The following GRM5 variants were observed in gnomAD, a reference collection of about 807,000 sequenced individuals.
The protein encoded by GRM5 is metabotropic glutamate receptor 5.
In GRM5, 19 loss-of-function variants were observed where a neutral mutation model predicts 83.1. The ratio of observed to expected loss-of-function variants is 0.23; its 90% CI spans 0.16 to 0.34. The LOEUF is 0.34. Among genes scored for constraint, GRM5 ranks in the 10% least tolerant of loss-of-function variants. The pLI is 1.00. For synonymous variants in GRM5, 675 were observed against 633.6 expected, an observed-to-expected ratio of 1.07 and a Z score of -0.98; for missense variants, 1,160 against 1,588.3, an observed-to-expected ratio of 0.73 and a Z score of 4.58.
chr11:88,674,661 C>G (rs1940277991), intron 3 of GRM5, among the ~76,000 whole-genome samples: 2 of 151,842 alleles, frequency 1.3e-5, no homozygotes, highest in South Asian at 4.2e-4. Context: ...GGAATCTGCT[C>G]CTTCCAGAGA....
At chr11:88,566,460 A>G (rs1942876557) in intron 8 of GRM5, among the ~76,000 whole-genome samples, 1 of 152,210 alleles carries the variant, frequency 6.6e-6, no homozygotes, top group African/African-American at 2.4e-5. Context: ...TTTTATGTGC[A>G]AAGTCACTTT....
chr11:88,643,092 G>GAA (rs35371603), intron 4 of GRM5, among the ~76,000 whole-genome samples: 1 of 151,782 alleles, frequency 6.6e-6, no homozygotes, highest in South Asian at 2.1e-4. Flanking sequence ...TACTTTATAA[G>GAA]AAAAAAATGT....
At chr11:88,927,094 T>A (rs1206851326) in intron 2 of GRM5, among the ~76,000 whole-genome samples, 1 of 152,162 alleles carries the variant, frequency 6.6e-6, no homozygotes, top group African/African-American at 2.4e-5. Context: ...CCTCATGACA[T>A]CTTAAATAAA....
chr11:89,001,838 A>T (rs1330870205), intron 2 of GRM5, among the ~76,000 whole-genome samples: 2 of 152,168 alleles, frequency 1.3e-5, no homozygotes, highest in Non-Finnish European at 2.9e-5. Flanking sequence ...GAAGACTGTC[A>T]TATCACATTA....
At chr11:88,613,068 G>T (rs1938371409) in intron 4 of GRM5, among the ~76,000 whole-genome samples, 1 of 152,070 alleles carries the variant, frequency 6.6e-6, no homozygotes, top group East Asian at 1.9e-4. Context: ...GGTGTGTTGG[G>T]TATGATGTCA....
intron 3 of GRM5, among the ~76,000 whole-genome samples, chr11:88,812,852 A>C (rs1040388153): frequency 6.6e-6 from 1 of 152,134 alleles, no homozygotes; most frequent in African/African-American, 2.4e-5. Context: ...AATAGAAACA[A>C]ATATTTTAAA....
chr11:88,730,349 C>T (rs1229171378), intron 3 of GRM5, among the ~76,000 whole-genome samples: 1 of 152,002 alleles, frequency 6.6e-6, no homozygotes, highest in South Asian at 2.1e-4. Flanking sequence ...ATTAGAATGG[C>T]GATTATTAAA....
chr11:88,756,770 G>C (rs1942402402), intron 3 of GRM5, among the ~76,000 whole-genome samples: 1 of 152,014 alleles, frequency 6.6e-6, no homozygotes, highest in Non-Finnish European at 1.5e-5. Context: ...TAGGAGAAGA[G>C]TAAAAAGATA....
At chr11:88,703,584 T>G (rs1316065271) in intron 3 of GRM5, among the ~76,000 whole-genome samples, 3 of 152,018 alleles carry the variant, frequency 2.0e-5, no homozygotes, top group African/African-American at 7.2e-5. Flanking sequence ...TCTCATAATC[T>G]CCACATGTCA....
rs535565197 is a variant in GRM5 at position 88,849,844 on chromosome 11, A to G, written c.911+62T>C. ...AATTTTTTATCATACACTAAAAGCT[A>G]CCCTTCAGTGCTGCCAAATTCCTGG... is the stretch of plus-strand genomic sequence containing the variant. On this transcript the variant is annotated intron_variant, in intron 3 of 9. Transcript: ENST00000305447. 2.7e-6 allele frequency: 4 copies of G among 1,479,228 alleles called. No homozygotes were observed. The East Asian group carries it at 6.8e-5, about 25-fold the overall frequency. 91.6% of individuals were successfully genotyped at this position (1,479,228 alleles called of 1,614,324 possible).
intron 3 of GRM5, among the ~76,000 whole-genome samples, chr11:88,667,475 G>T (rs1163532057): frequency 6.6e-6 from 1 of 152,078 alleles, no homozygotes; most frequent in Non-Finnish European, 1.5e-5. Flanking sequence ...TGCTAAAAAT[G>T]AAAGGCAAAG....
intron 3 of GRM5, among the ~76,000 whole-genome samples, chr11:88,705,354 G>A (rs1281321355): frequency 6.6e-6 from 1 of 152,062 alleles, no homozygotes; most frequent in Non-Finnish European, 1.5e-5. Context: ...TGGCAGCCAG[G>A]CTGCAGAACC....
intron 3 of GRM5, among the ~76,000 whole-genome samples, chr11:88,688,582 G>A (rs1940704057): frequency 6.6e-6 from 1 of 152,026 alleles, no homozygotes; most frequent in Non-Finnish European, 1.5e-5. Flanking sequence ...AGTAATTAAG[G>A]TACATAGAGA....
At chr11:88,776,401 T>A (rs1170767070) in intron 3 of GRM5, among the ~76,000 whole-genome samples, 2 of 152,204 alleles carry the variant, frequency 1.3e-5, no homozygotes, top group Non-Finnish European at 2.9e-5. Flanking sequence ...AATTTGACAG[T>A]CTGTATCTTT....
intron 4 of GRM5, among the ~76,000 whole-genome samples, chr11:88,648,936 A>AGGC (rs1232045717): frequency 8.5e-3 from 1,288 of 151,044 alleles, no homozygotes; most frequent in African/African-American, 0.03. Context: ...AAATTTTTAA[A>AGGC]CTGATGCAAT....
rs1006410699 is a variant in GRM5 at position 89,048,089 on chromosome 11, A to T, written c.-200-17T>A. On this transcript the variant is annotated splice_polypyrimidine_tract_variant and intron_variant, in intron 1 of 9. Coordinates refer to ENST00000305447, the MANE Select transcript of GRM5 (RefSeq NM_001143831.3). The stretch of plus-strand genomic sequence containing the variant: ...CTTCTAAACCTGAAAAAAAAAAAAT[A>T]ACATGGGTCTTTAACAAACATAAAT... 11 of 517,910 alleles carry T rather than the reference A, an allele frequency of 2.1e-5. No homozygotes were observed. The highest frequency in any genetic ancestry group is 3.4e-5 in the Non-Finnish European group (10 of 291,612). The allele number at this position is 517,910 out of a possible 1,614,324, so 32.1% of individuals were successfully genotyped here. A position where few individuals can be genotyped will look rare whatever the true frequency, so the allele number is the denominator to read the frequency against.
Position 88,509,341 on chromosome 11 carries a change from C to G in GRM5, c.2890G>C (p.Gly964Arg). 6.2e-7 allele frequency: 1 copy of G among 1,604,058 alleles called. No individual in the cohort carries two copies. The highest frequency in any genetic ancestry group is 8.5e-7 in the Non-Finnish European group (1 of 1,176,462). Residue 964 changes from glycine (G) to arginine (R), a missense_variant, in exon 10 of 10, where the codon GGC becomes CGC. Physicochemically the swap from Gly to Arg is moderately radical, Grantham distance 125. Transcript: ENST00000305447. ...CCAGCGCTCCCGCCTGCGCCAGCGCCAGCGCCCAGGCCACGGCTCTCCGTG... is the reference window on the plus strand; with the variant it reads ...CCAGCGCTCCCGCCTGCGCCAGCGCGAGCGCCCAGGCCACGGCTCTCCGTG... ...KSTESRGLGAGAGAGGSAGGV... is the reference protein window; with the variant it reads ...KSTESRGLGARAGAGGSAGGV...
At chr11:88,783,849 A>G (rs1943018899) in intron 3 of GRM5, among the ~76,000 whole-genome samples, 1 of 152,110 alleles carries the variant, frequency 6.6e-6, no homozygotes, top group Non-Finnish European at 1.5e-5. Flanking sequence ...AGGATTATAT[A>G]GGTTAGTACC....
intron 3 of GRM5, among the ~76,000 whole-genome samples, chr11:88,816,938 C>A (rs1238043729): frequency 1.3e-5 from 2 of 152,084 alleles, no homozygotes; most frequent in Non-Finnish European, 2.9e-5. Context: ...AAACAGATAA[C>A]TCTAACAGAT....
Sources: gnomAD v4.1 joint callset for allele counts (sites outside exome capture counted in the v4.1 genomes callset) on GRCh38, gnomAD v4.1.1 for gene constraint, MANE v1.5 for transcripts, NCBI Gene and HGNC (gene_info 2026-07-23, HGNC 2026-07-21) for gene names.